PLEKHA2: variants seen among roughly 807,000 people sequenced by gnomAD.
PLEKHA2 encodes pleckstrin homology domain-containing family A member 2.
A neutral mutation model predicts 53.2 loss-of-function variants in PLEKHA2; 28 were observed. The ratio of observed to expected loss-of-function variants is 0.53; its 90% CI spans 0.39 to 0.72. The LOEUF (loss-of-function observed/expected upper bound fraction) is 0.72. PLEKHA2 is among the 30% of genes least tolerant of loss of function. The probability of loss-of-function intolerance (pLI) is 0.00; values close to 1 mark genes in which losing one functional copy is unlikely to be tolerated. For missense variants in PLEKHA2, 426 were observed against 537.9 expected, an observed-to-expected ratio of 0.79 and a Z score of 2.06; for synonymous variants, 193 against 196.4, an observed-to-expected ratio of 0.98 and a Z score of 0.14.
At chr8:38,942,610 C>A (rs7825231) in intron 3 of PLEKHA2, among the ~76,000 whole-genome samples, 2,173 of 152,202 alleles carry the variant, frequency 0.014, 48 homozygotes, top group African/African-American at 0.049. Flanking sequence ...GGCCTAGGAC[C>A]CATGGGAAGG....
chr8:38,901,868 G>T (rs1049201461), intron 1 of PLEKHA2: 1 of 152,250 alleles, frequency 6.6e-6, no homozygotes, highest in Non-Finnish European at 1.5e-5. Context: ...CTGCGGGAGG[G>T]GAGGAGAGCA....
At chr8:38,961,963 C>T (rs1835049176) in intron 10 of PLEKHA2, among the ~76,000 whole-genome samples, 1 of 152,168 alleles carries the variant, frequency 6.6e-6, no homozygotes, top group African/African-American at 2.4e-5. Flanking sequence ...AAACAACTTA[C>T]AGGTAGTATA....
chr8:38,943,553 A>G (rs1834651249), intron 3 of PLEKHA2, among the ~76,000 whole-genome samples: 1 of 152,168 alleles, frequency 6.6e-6, no homozygotes, highest in South Asian at 2.1e-4. Flanking sequence ...GATAATGGTT[A>G]TCTCTGACGG....
chr8:38,946,475 C>G (rs1002146812), intron 5 of PLEKHA2, among the ~76,000 whole-genome samples: 4 of 152,206 alleles, frequency 2.6e-5, no homozygotes, highest in Non-Finnish European at 4.4e-5. Context: ...GGCTCCCGAT[C>G]AGTCATGTTT....
chr8:38,944,750 AGATTTGGGTAGG>A (rs775234911), intron 4 of PLEKHA2, among the ~76,000 whole-genome samples: 3 of 152,192 alleles, frequency 2.0e-5, no homozygotes, highest in Non-Finnish European at 4.4e-5. Flanking sequence ...ATTGAACATG[AGATTTGGGTAGG>A]GACACAGATT....
chr8:38,952,523 A>G, intron 7 of PLEKHA2, 113 bp from the exon 8 acceptor site: 2 of 1,358,714 alleles, frequency 1.5e-6, no homozygotes, highest in South Asian at 1.2e-5. Flanking sequence ...CCCCTGCTGA[A>G]TGTGGGAGCC....
chr8:38,908,257 A>G (rs1319467961), intron 1 of PLEKHA2, among the ~76,000 whole-genome samples: 1 of 152,196 alleles, frequency 6.6e-6, no homozygotes, highest in Non-Finnish European at 1.5e-5. Flanking sequence ...AAAGAGGGAA[A>G]GGCGCTCAGA....
intron 3 of PLEKHA2, among the ~76,000 whole-genome samples, chr8:38,942,098 G>A (rs1006722209): frequency 2.0e-5 from 3 of 152,096 alleles, no homozygotes; most frequent in Admixed American, 6.5e-5. Flanking sequence ...CTTCTGATAC[G>A]CTGCCCGTTA....
intron 6 of PLEKHA2, among the ~76,000 whole-genome samples, chr8:38,951,676 A>AT (rs1588269104): frequency 6.6e-6 from 1 of 150,676 alleles, no homozygotes; most frequent in Non-Finnish European, 1.5e-5. Flanking sequence ...ATTTTTTTGT[A>AT]TTTTTTGTTG....
At chr8:38,906,684 CA>C (rs1439588754) in intron 1 of PLEKHA2, among the ~76,000 whole-genome samples, 1 of 152,198 alleles carries the variant, frequency 6.6e-6, no homozygotes, top group African/African-American at 2.4e-5. Context: ...CATGTTAGAG[CA>C]GTAGGAAGTG....
chr8:38,961,462 AG>A (rs1221561265), intron 10 of PLEKHA2, among the ~76,000 whole-genome samples: 1 of 150,510 alleles, frequency 6.6e-6, no homozygotes, highest in East Asian at 2.0e-4. Context: ...TCTTGAACCC[AG>A]GGGGCGGAGG....
intron 10 of PLEKHA2, among the ~76,000 whole-genome samples, chr8:38,966,728 G>A (rs549500410): frequency 6.6e-6 from 1 of 152,212 alleles, no homozygotes; most frequent in Admixed American, 6.5e-5. Flanking sequence ...GTGAAGCTTG[G>A]TGCTGCGAGT....
chr8:38,909,100 G>A (rs892126780), intron 1 of PLEKHA2, among the ~76,000 whole-genome samples: 6 of 151,102 alleles, frequency 4.0e-5, no homozygotes, highest in African/African-American at 9.8e-5. Flanking sequence ...CCGAGATGGC[G>A]CCACTGCACT....
At chr8:38,963,919 G>A (rs534981799) in intron 10 of PLEKHA2, among the ~76,000 whole-genome samples, 7 of 152,176 alleles carry the variant, frequency 4.6e-5, no homozygotes, top group East Asian at 3.9e-4. Flanking sequence ...AACAATTTCC[G>A]TCTTCACTAA....
chr8:38,972,531 A>G lies in PLEKHA2; in HGVS notation c.*2748A>G, dbSNP rs7001985. On this transcript the variant is annotated 3_prime_UTR_variant, in exon 12 of 12. Transcript: ENST00000617275. Reference sequence around the variant, plus strand: ...AATATGAGATAAATTATTATCTTCAATGAAACAAGCTCTAAAAGCATTCCA... The same window carrying G: ...AATATGAGATAAATTATTATCTTCAGTGAAACAAGCTCTAAAAGCATTCCA... 0.41 allele frequency: 62,692 copies of G among 151,678 alleles called. 13,525 individuals carry two copies. The highest frequency in any genetic ancestry group is 0.75 in the East Asian group (3,843 of 5,112). 9.4% of individuals were successfully genotyped at this position (151,678 alleles called of 1,614,324 possible).
chr8:38,950,912 A>G lies in PLEKHA2; in HGVS notation c.408A>G (p.Pro136=). Residue 136 remains proline (P), a synonymous_variant, in exon 6 of 12, where the codon CCA becomes CCG. Transcript: ENST00000617275. The part of the protein sequence containing the change: ...TEVLKSLAAP[P]ALEKKPQVAY... ...TTCTCAAGAGCTTAGCAGCTCCTCC[A>G]GCCCTGGAGAAGAAGCCACAGGTGG... 1 of 1,613,986 alleles carries G rather than the reference A, an allele frequency of 6.2e-7. No homozygotes were observed. The highest frequency in any genetic ancestry group is 8.5e-7 in the Non-Finnish European group (1 of 1,179,878).
chr8:38,969,722 C>A lies in PLEKHA2; in HGVS notation c.1217C>A (p.Pro406His). 1.3e-6 allele frequency: 2 copies of A among 1,556,968 alleles called. No individual in the cohort carries two copies. The highest frequency in any genetic ancestry group is 8.7e-7 in the Non-Finnish European group (1 of 1,150,250). Residue 406 changes from proline to histidine, a missense_variant, in exon 12 of 12, where the codon CCC (proline) becomes CAC (histidine). By Grantham distance (77) the Pro-to-His change is moderately conservative (BLOSUM62 -2). Transcript: ENST00000617275. ...AGGCACAGATCGGAGCCCCAGCACC[C>A]CAAGGAGAAGCCGTTTATGTTCAAC... ...RIRHRSEPQH[P>H]KEKPFMFNLD...
At chr8:38,927,761 A>C (rs927037067) in intron 2 of PLEKHA2, among the ~76,000 whole-genome samples, 2 of 152,316 alleles carry the variant, frequency 1.3e-5, no homozygotes, top group South Asian at 2.1e-4. Flanking sequence ...GTTGCTGTGA[A>C]GAGTAAATAA....
chr8:38,960,363 C>T (rs974923192), intron 10 of PLEKHA2, among the ~76,000 whole-genome samples: 2 of 152,110 alleles, frequency 1.3e-5, no homozygotes, highest in African/African-American at 4.8e-5. Context: ...CCTGTCGTCC[C>T]AGCTACTTGG....
Sources: gnomAD v4.1 joint callset for allele counts (sites outside exome capture counted in the v4.1 genomes callset) on GRCh38, gnomAD v4.1.1 for gene constraint, MANE v1.5 for transcripts, NCBI Gene and HGNC (gene_info 2026-07-23, HGNC 2026-07-21) for gene names.